Variants in AKAP6 observed in about 807,000 individuals in gnomAD.
The protein encoded by AKAP6 is A-kinase anchor protein 6.
AKAP6 carries 58 observed loss-of-function variants against 188.5 expected under a neutral mutation model. The ratio of observed to expected loss-of-function variants is 0.31; its 90% CI spans 0.25 to 0.38. AKAP6 has a LOEUF of 0.38. Ranked by LOEUF, AKAP6 falls within the 10% of genes least tolerant of loss-of-function variation. AKAP6 has a pLI of 1.00. For missense variants in AKAP6, 2,710 were observed against 2,740.0 expected (o/e 0.99, Z 0.24); for synonymous variants, 989 against 998.6 (o/e 0.99, Z 0.18).
At chr14:32,642,559 G>A (rs924245708) in intron 7 of AKAP6, among the ~76,000 whole-genome samples, 7 of 152,002 alleles carry the variant, frequency 4.6e-5, no homozygotes, top group Admixed American at 3.9e-4. Flanking sequence ...CTTAAAATTA[G>A]GCATCTCATT....
chr14:32,495,002 G>C (rs1880234360), intron 2 of AKAP6: 2 of 152,156 alleles, frequency 1.3e-5, no homozygotes, highest in African/African-American at 2.4e-5. Flanking sequence ...CATTCTCTGA[G>C]AACTTAGGTC....
At chr14:32,619,063 CG>C (rs1886707467) in intron 7 of AKAP6, among the ~76,000 whole-genome samples, 2 of 150,934 alleles carry the variant, frequency 1.3e-5, no homozygotes, top group African/African-American at 4.9e-5. Context: ...TTGTGTTTCT[CG>C]TAAATCCTGA....
chr14:32,672,723 A>G (rs1359378683), intron 7 of AKAP6, among the ~76,000 whole-genome samples: 2 of 152,206 alleles, frequency 1.3e-5, no homozygotes, highest in African/African-American at 4.8e-5. Context: ...AAAGTTTACC[A>G]GAGGTACTAG....
intron 1 of AKAP6, among the ~76,000 whole-genome samples, chr14:32,404,711 T>TATATATATATATATATATA (rs1555325855): frequency 4.4e-4 from 57 of 128,452 alleles, no homozygotes; most frequent in Non-Finnish European, 5.4e-4. Context: ...TATATATATA[T>TATATATATATATATATATA]TAGTCAGAAT....
At chr14:32,598,422 C>G (rs1306422232) in intron 5 of AKAP6, among the ~76,000 whole-genome samples, 1 of 152,054 alleles carries the variant, frequency 6.6e-6, no homozygotes, top group African/African-American at 2.4e-5. Context: ...CCAGTAATCA[C>G]AGAGATGGAA....
intron 7 of AKAP6, among the ~76,000 whole-genome samples, chr14:32,619,344 A>C (rs750757909): frequency 2.0e-5 from 3 of 151,984 alleles, no homozygotes; most frequent in Admixed American, 6.6e-5. Context: ...ATCCATCTTC[A>C]GTTGAGTTTT....
chr14:32,677,812 C>T (rs1015147355), intron 7 of AKAP6, among the ~76,000 whole-genome samples: 4 of 152,126 alleles, frequency 2.6e-5, no homozygotes, highest in African/African-American at 9.7e-5. Context: ...GACAGTAACA[C>T]AGACAACCAA....
At chr14:32,537,282 G>A (rs975027414) in intron 3 of AKAP6, among the ~76,000 whole-genome samples, 4 of 152,156 alleles carry the variant, frequency 2.6e-5, no homozygotes, top group African/African-American at 9.7e-5. Context: ...TGTTACTGTG[G>A]CAGGACTTCA....
At chr14:32,536,269 A>G (rs750352713) in intron 3 of AKAP6, among the ~76,000 whole-genome samples, 4 of 152,214 alleles carry the variant, frequency 2.6e-5, no homozygotes, top group Non-Finnish European at 2.9e-5. Flanking sequence ...CCTAATTCAG[A>G]TGGGAGGCTT....
intron 3 of AKAP6, among the ~76,000 whole-genome samples, chr14:32,538,280 A>C (rs17099231): frequency 0.013 from 2,012 of 152,326 alleles, 50 homozygotes; most frequent in African/African-American, 0.046. Flanking sequence ...GCTTTCTCAG[A>C]ATAAATTCAA....
chr14:32,757,893 C>T (rs1288893697), intron 11 of AKAP6, among the ~76,000 whole-genome samples: 3 of 150,462 alleles, frequency 2.0e-5, no homozygotes, highest in Non-Finnish European at 3.0e-5. Context: ...AAAATGAGAT[C>T]TGAAGTGGAG....
intron 9 of AKAP6, among the ~76,000 whole-genome samples, chr14:32,702,155 G>A (rs370561437): frequency 2.6e-5 from 4 of 152,180 alleles, no homozygotes; most frequent in African/African-American, 4.8e-5. Context: ...TAGCTTAATA[G>A]TATGTTAGAT....
intron 9 of AKAP6, among the ~76,000 whole-genome samples, chr14:32,731,517 C>G (rs559395159): frequency 6.6e-6 from 1 of 152,138 alleles, no homozygotes; most frequent in East Asian, 1.9e-4. Context: ...ACTCAGTGAC[C>G]TAAATTTGGT....
intron 7 of AKAP6, among the ~76,000 whole-genome samples, chr14:32,639,283 G>A (rs1454467983): frequency 1.3e-5 from 2 of 152,100 alleles, no homozygotes; most frequent in Non-Finnish European, 2.9e-5. Flanking sequence ...TTAAAGAATA[G>A]AGATATTTGT....
chr14:32,668,285 A>G (rs1203547859), intron 7 of AKAP6, among the ~76,000 whole-genome samples: 1 of 152,172 alleles, frequency 6.6e-6, no homozygotes, highest in East Asian at 1.9e-4. Flanking sequence ...GGGTGGTAGT[A>G]GATAAAAGCT....
At chr14:32,706,227 A>G (rs536130360) in intron 9 of AKAP6, among the ~76,000 whole-genome samples, 1 of 152,076 alleles carries the variant, frequency 6.6e-6, no homozygotes, top group East Asian at 1.9e-4. Context: ...CTCCCTCTGT[A>G]TGAACTTTTT....
At chr14:32,409,496 A>T (rs578163141) in intron 1 of AKAP6, among the ~76,000 whole-genome samples, 1 of 152,294 alleles carries the variant, frequency 6.6e-6, no homozygotes, top group African/African-American at 2.4e-5. Flanking sequence ...CAACTGAACC[A>T]TCTTCTTCAA....
chr14:32,518,871 G>C (rs1437560188), intron 2 of AKAP6, among the ~76,000 whole-genome samples: 2 of 152,142 alleles, frequency 1.3e-5, no homozygotes, highest in Admixed American at 1.3e-4. Flanking sequence ...CTTGAGAAGA[G>C]AAACTCCAAG....
At chr14:32,711,816 C>T (rs964083412) in intron 9 of AKAP6, among the ~76,000 whole-genome samples, 1 of 151,932 alleles carries the variant, frequency 6.6e-6, no homozygotes, top group African/African-American at 2.4e-5. Context: ...TGTGATAAAG[C>T]CCTGGAGAAG....
Sources: allele counts gnomAD v4.1 joint callset (sites outside exome capture counted in the v4.1 genomes callset), GRCh38; gene constraint gnomAD v4.1.1; transcripts MANE v1.5; gene names NCBI Gene and HGNC (gene_info 2026-07-23, HGNC 2026-07-21).